Variants in ATP13A4 observed in about 807,000 individuals in gnomAD.
ATP13A4 encodes ATPase 13A4, also known as probable cation-transporting ATPase 13A4.
Under a neutral mutation model 142.5 loss-of-function variants are expected in ATP13A4, and 114 were observed. The ratio of observed to expected loss-of-function variants is 0.80; its 90% confidence interval spans 0.69 to 0.93. ATP13A4 has a LOEUF of 0.93. Among genes scored for constraint, ATP13A4 ranks in the 40% least tolerant of loss-of-function variants. The pLI, the probability that ATP13A4 is intolerant of heterozygous loss-of-function variation, is 0.00. For missense variants in ATP13A4, 1,392 were observed against 1,454.0 expected (o/e 0.96, Z 0.69); for synonymous variants, 488 against 514.8 (o/e 0.95, Z 0.70).
chr3:193,446,302 G>A (rs1716952082), intron 18 of ATP13A4, among the ~76,000 whole-genome samples: 1 of 152,146 alleles, frequency 6.6e-6, no homozygotes, highest in Non-Finnish European at 1.5e-5. Flanking sequence ...ATAAACAATA[G>A]GGAAATCTTT....
intron 28 of ATP13A4, among the ~76,000 whole-genome samples, chr3:193,407,629 CTTCTT>C (rs1714571278): frequency 6.6e-6 from 1 of 151,918 alleles, no homozygotes; most frequent in Non-Finnish European, 1.5e-5. Flanking sequence ...TGTTGCTTTT[CTTCTT>C]TTATCTTTTT....
At chr3:193,419,666 T>C (rs954398924) in intron 25 of ATP13A4, among the ~76,000 whole-genome samples, 3 of 149,504 alleles carry the variant, frequency 2.0e-5, no homozygotes, top group Admixed American at 6.9e-5. Context: ...TGAGCTGACA[T>C]AGTACTCCAC....
intron 25 of ATP13A4, among the ~76,000 whole-genome samples, chr3:193,417,912 GGAGATC>G (rs1414429962): frequency 1.4e-5 from 2 of 146,638 alleles, no homozygotes; most frequent in Admixed American, 7.2e-5. Context: ...CACAAGGTCA[GGAGATC>G]GAGACCATCC....
intron 12 of ATP13A4, 97 bp from the exon 13 acceptor site, chr3:193,462,920 G>T (rs745789640): frequency 8.1e-7 from 1 of 1,238,158 alleles, no homozygotes; most frequent in African/African-American, 1.5e-5. Flanking sequence ...GGAGGCAAGA[G>T]GATCACTTGA....
chr3:193,570,508 T>C (rs942577680), intron 2 of ATP13A4, among the ~76,000 whole-genome samples: 1 of 152,210 alleles, frequency 6.6e-6, no homozygotes, highest in Non-Finnish European at 1.5e-5. Context: ...TGCATTTTTA[T>C]TGAATTTTTT....
At position 193,444,902 on chromosome 3, in the gene ATP13A4, C is replaced by T. The variant is rs566566713; in HGVS notation, c.2153-2346G>A. ...GGGAGCCCTGAGCGCTCATAGGCTT[C>T]CTCCATGCTCCACAGCAGGCCCCTG... On this transcript the variant is annotated intron_variant, in intron 18 of 29. Transcript: ENST00000342695. 2.2e-4 allele frequency among the ~76,000 whole-genome samples: 33 copies of T among 152,312 alleles called. No homozygotes were observed. The South Asian group carries it at 2.7e-3, about 12-fold the overall frequency.
intron 8 of ATP13A4, among the ~76,000 whole-genome samples, chr3:193,475,622 T>C (rs1443671349): frequency 2.0e-5 from 3 of 152,014 alleles, no homozygotes; most frequent in African/African-American, 4.8e-5. Context: ...TCTTCTGTCT[T>C]ACAGATTTGA....
intron 1 of ATP13A4, among the ~76,000 whole-genome samples, chr3:193,532,383 T>C (rs1033358370): frequency 2.7e-5 from 4 of 148,776 alleles, no homozygotes; most frequent in Non-Finnish European, 4.4e-5. Flanking sequence ...CTATTCACTG[T>C]GGCATTTTAG....
chr3:193,509,931 T>C (rs1030160212), intron 2 of ATP13A4, among the ~76,000 whole-genome samples: 3 of 152,242 alleles, frequency 2.0e-5, no homozygotes, highest in African/African-American at 7.2e-5. Flanking sequence ...CCAGTGCCTA[T>C]GCCAATGTCT....
chr3:193,534,254 G>A (rs9871220), intron 1 of ATP13A4, among the ~76,000 whole-genome samples: 3,643 of 152,218 alleles, frequency 0.024, 111 homozygotes, highest in East Asian at 0.085. Context: ...GTCAACAGAA[G>A]CTAACGATGA....
intron 3 of ATP13A4, among the ~76,000 whole-genome samples, chr3:193,495,538 C>T (rs563948890): frequency 2.4e-4 from 36 of 152,164 alleles, no homozygotes; most frequent in South Asian, 4.2e-4. Context: ...ATTCAACATC[C>T]TTTCATGTTA....
At chr3:193,552,224 G>A (rs568105504) in intron 1 of ATP13A4, among the ~76,000 whole-genome samples, 8 of 152,186 alleles carry the variant, frequency 5.3e-5, no homozygotes, top group Non-Finnish European at 8.8e-5. Context: ...CGCCCGCCTC[G>A]GCCTCCCAAA....
rs1236581289 is a variant in ATP13A4 at position 193,400,324 on chromosome 3, C to T, written c.*2328G>A. On this transcript the variant is annotated 3_prime_UTR_variant, in exon 30 of 30. Coordinates refer to ENST00000342695, the MANE Select transcript of ATP13A4 (RefSeq NM_032279.4). Reference sequence around the variant, plus strand: ...TAGTGGAGGACTAGATTCTTTTCTTCCTGTTCCCTGCCAGCCTTTGCTAGT... The same window carrying T: ...TAGTGGAGGACTAGATTCTTTTCTTTCTGTTCCCTGCCAGCCTTTGCTAGT... Among the ~76,000 whole-genome samples, 1 of 152,220 alleles carries T rather than the reference C, an allele frequency of 6.6e-6. No homozygotes were observed. Among genetic ancestry groups the T allele is most frequent in the Admixed American group, 6.5e-5 (1 of 15,284 alleles).
chr3:193,545,663 G>C (rs985942440), intron 1 of ATP13A4, among the ~76,000 whole-genome samples: 1 of 151,982 alleles, frequency 6.6e-6, no homozygotes, highest in Admixed American at 6.6e-5. Flanking sequence ...TGGATCCATC[G>C]GCAAATGACT....
chr3:193,470,740 C>A (rs760201862), intron 9 of ATP13A4, 119 bp downstream of exon 9: 12 of 1,440,158 alleles, frequency 8.3e-6, no homozygotes, highest in South Asian at 2.3e-5. Context: ...GGTCCCATAG[C>A]AGCCAGTGCT....
chr3:193,481,885 C>G (rs1424734745), intron 8 of ATP13A4, among the ~76,000 whole-genome samples: 1 of 152,124 alleles, frequency 6.6e-6, no homozygotes, highest in Non-Finnish European at 1.5e-5. Flanking sequence ...CAAACTTAAG[C>G]CTGTATTTCT....
chr3:193,521,735 C>T (rs1036095203), intron 1 of ATP13A4, among the ~76,000 whole-genome samples: 1 of 152,058 alleles, frequency 6.6e-6, no homozygotes, highest in African/African-American at 2.4e-5. Flanking sequence ...GAGATCGAGA[C>T]CAGCCTGGTC....
At chr3:193,572,073 C>T (rs1175380032) in intron 2 of ATP13A4, among the ~76,000 whole-genome samples, 1 of 152,102 alleles carries the variant, frequency 6.6e-6, no homozygotes, top group Admixed American at 6.5e-5. Flanking sequence ...TGGCAAAACC[C>T]CGCCTCTACA....
chr3:193,430,406 C>T (rs1715905731), intron 25 of ATP13A4, among the ~76,000 whole-genome samples: 1 of 152,002 alleles, frequency 6.6e-6, no homozygotes, highest in East Asian at 1.9e-4. Flanking sequence ...AAATGTTGTT[C>T]TCATGAAACA....
Sources: gnomAD v4.1 joint callset for allele counts (sites outside exome capture counted in the v4.1 genomes callset) on GRCh38, gnomAD v4.1.1 for gene constraint, MANE v1.5 for transcripts, NCBI Gene and HGNC (gene_info 2026-07-23, HGNC 2026-07-21) for gene names.